The following GRM1 variants were observed in gnomAD, a reference collection of about 807,000 sequenced individuals.
GRM1 encodes the protein metabotropic glutamate receptor 1.
In GRM1, 33 loss-of-function variants were observed where a neutral mutation model predicts 90.9. The observed-to-expected ratio is 0.36, with a 90% confidence interval of 0.28 to 0.49. The LOEUF is 0.49. Among genes scored for constraint, GRM1 ranks in the 20% least tolerant of loss-of-function variants. GRM1 has a pLI of 0.99. For missense variants in GRM1, 1,190 were observed against 1,534.3 expected (o/e 0.78, Z 3.75); for synonymous variants, 700 against 613.2 (o/e 1.14, Z -2.09).
At chr6:146,126,453 C>A (rs1776203284) in intron 1 of GRM1, among the ~76,000 whole-genome samples, 1 of 152,052 alleles carries the variant, frequency 6.6e-6, no homozygotes, top group Non-Finnish European at 1.5e-5. Flanking sequence ...TATAGCCAAG[C>A]CTTTAAAAAT....
At chr6:146,304,905 G>GC in intron 3 of GRM1, 59 bp downstream of exon 3, 1 of 1,171,822 alleles carries the variant, frequency 8.5e-7, no homozygotes, top group Non-Finnish European at 1.3e-6. Flanking sequence ...TAGATTTATT[G>GC]CAACTTGTTG....
intron 2 of GRM1, among the ~76,000 whole-genome samples, chr6:146,201,903 C>T (rs1026976900): frequency 6.6e-5 from 10 of 152,286 alleles, no homozygotes; most frequent in South Asian, 2.1e-4. Context: ...TGCTCTCAAC[C>T]GCTGTGCAAT....
chr6:146,211,762 A>C (rs1339768799), intron 2 of GRM1, among the ~76,000 whole-genome samples: 1 of 152,226 alleles, frequency 6.6e-6, no homozygotes, highest in Non-Finnish European at 1.5e-5. Context: ...TCTTTTTTCT[A>C]AATGTTAATT....
At chr6:146,322,570 C>CTTTCTTTTAT (rs1784234594) in intron 3 of GRM1, among the ~76,000 whole-genome samples, 1 of 109,928 alleles carries the variant, frequency 9.1e-6, no homozygotes, top group African/African-American at 5.8e-5. Context: ...GGGCTGCTGC[C>CTTTCTTTTAT]TTTCTTTTAT....
intron 2 of GRM1, among the ~76,000 whole-genome samples, chr6:146,266,196 A>C (rs999485416): frequency 6.6e-6 from 1 of 152,210 alleles, no homozygotes; most frequent in Admixed American, 6.5e-5. Flanking sequence ...TTAAAAAAAA[A>C]ATACATATTA....
intron 1 of GRM1, among the ~76,000 whole-genome samples, chr6:146,158,314 G>A (rs1460898710): frequency 6.6e-6 from 1 of 152,168 alleles, no homozygotes; most frequent in Non-Finnish European, 1.5e-5. Context: ...GGAAAAAATA[G>A]GAAGGTTAAT....
intron 3 of GRM1, among the ~76,000 whole-genome samples, chr6:146,324,190 C>G (rs1784314232): frequency 6.6e-6 from 1 of 152,170 alleles, no homozygotes; most frequent in African/African-American, 2.4e-5. Flanking sequence ...TTTGTTTACA[C>G]TGGGAGGGGA....
intron 3 of GRM1, among the ~76,000 whole-genome samples, chr6:146,312,303 T>G (rs533720141): frequency 8.1e-6 from 1 of 122,974 alleles, no homozygotes; most frequent in Admixed American, 1.1e-4. Flanking sequence ...ATAGCGCCAC[T>G]GCAGTCCGGC....
At chr6:146,315,442 T>C (rs1169120935) in intron 3 of GRM1, among the ~76,000 whole-genome samples, 1 of 152,122 alleles carries the variant, frequency 6.6e-6, no homozygotes, top group Non-Finnish European at 1.5e-5. Context: ...GAGATGTAAA[T>C]AGATCTGGAC....
At chr6:146,086,780 T>C (rs1776560327) in intron 1 of GRM1, among the ~76,000 whole-genome samples, 1 of 151,990 alleles carries the variant, frequency 6.6e-6, no homozygotes, top group African/African-American at 2.4e-5. Flanking sequence ...ATTAGTTAAA[T>C]CAATTCTCAG....
intron 2 of GRM1, among the ~76,000 whole-genome samples, chr6:146,187,524 T>C (rs1480115843): frequency 6.6e-6 from 1 of 152,056 alleles, no homozygotes; most frequent in East Asian, 1.9e-4. Flanking sequence ...TTAAGTGTCT[T>C]AGAACTTTTA....
intron 4 of GRM1, among the ~76,000 whole-genome samples, chr6:146,354,236 C>T (rs544946057): frequency 1.3e-5 from 2 of 152,298 alleles, no homozygotes; most frequent in East Asian, 3.9e-4. Context: ...ATGTGAAAAG[C>T]TTCGAGGAAA....
At chr6:146,059,415 A>T (rs1334463333) in intron 1 of GRM1, among the ~76,000 whole-genome samples, 5 of 152,084 alleles carry the variant, frequency 3.3e-5, no homozygotes, top group African/African-American at 1.2e-4. Flanking sequence ...TATTCAGTAA[A>T]CCATGCTATA....
At chr6:146,128,310 A>C (rs190145104) in intron 1 of GRM1, among the ~76,000 whole-genome samples, 22 of 152,334 alleles carry the variant, frequency 1.4e-4, no homozygotes, top group Admixed American at 9.2e-4. Flanking sequence ...TCCTGCTGCT[A>C]AGATAATAAT....
chr6:146,377,632 T>G (rs545712673), intron 5 of GRM1, among the ~76,000 whole-genome samples: 1 of 152,064 alleles, frequency 6.6e-6, no homozygotes, highest in South Asian at 2.1e-4. Flanking sequence ...TAGGGAGAAA[T>G]TCAAGCTGAC....
At chr6:146,199,615 T>C (rs1327405052) in intron 2 of GRM1, among the ~76,000 whole-genome samples, 2 of 152,198 alleles carry the variant, frequency 1.3e-5, no homozygotes, top group Non-Finnish European at 2.9e-5. Context: ...GGATGTAGCC[T>C]ATTATCTGTC....
intron 1 of GRM1, among the ~76,000 whole-genome samples, chr6:146,033,904 C>T (rs1790794048): frequency 6.6e-6 from 1 of 151,966 alleles, no homozygotes; most frequent in Admixed American, 6.6e-5. Context: ...TACTAAATAT[C>T]ATATTTCCTA....
At chr6:146,408,845 C>T (rs1175497428) in intron 7 of GRM1, among the ~76,000 whole-genome samples, 3 of 151,984 alleles carry the variant, frequency 2.0e-5, no homozygotes, top group African/African-American at 7.3e-5. Flanking sequence ...CCTTAGTGTC[C>T]AGTGTAAAGT....
At position 146,029,611 on chromosome 6, in the gene GRM1, G is replaced by C; in HGVS notation, c.94G>C (p.Ala32Pro). 6.2e-7 allele frequency: 1 copy of C among 1,614,128 alleles called. No individual in the cohort carries two copies. Among genetic ancestry groups the C allele is most frequent in the Non-Finnish European group, 8.5e-7 (1 of 1,179,998 alleles). ...CGGCAGGAAAGTGTTGCTGGCAGGA[G>C]CGTCGTCTCAGCGCTCGGTGGCCAG... is the stretch of plus-strand genomic sequence containing the variant. ...SPGRKVLLAG[A>P]SSQRSVARMD... The change falls in exon 1 of 8, where the codon GCG becomes CCG. Residue 32 changes from alanine (A) to proline (P), a missense_variant. Coordinates refer to ENST00000282753, the MANE Select transcript of GRM1 (RefSeq NM_001278064.2).
Sources: allele counts gnomAD v4.1 joint callset (sites outside exome capture counted in the v4.1 genomes callset), GRCh38; gene constraint gnomAD v4.1.1; transcripts MANE v1.5; gene names NCBI Gene and HGNC (gene_info 2026-07-23, HGNC 2026-07-21).